Variants in NCOA2 observed in about 807,000 individuals in gnomAD.
NCOA2 encodes the protein nuclear receptor coactivator 2, also known as class E basic helix-loop-helix protein 75.
Under a neutral mutation model 145.1 loss-of-function variants are expected in NCOA2, and 21 were observed. The observed-to-expected ratio is 0.14, with a 90% CI of 0.10 to 0.21. NCOA2 has a LOEUF of 0.21. NCOA2 is among the 10% of genes least tolerant of loss of function. The pLI is 1.00. For missense variants in NCOA2, 1,472 were observed against 1,837.6 expected, an observed-to-expected ratio of 0.80 and a Z score of 3.64; for synonymous variants, 619 against 637.5, an observed-to-expected ratio of 0.97 and a Z score of 0.44.
At chr8:70,262,727 A>G (rs1170052811) in intron 2 of NCOA2, among the ~76,000 whole-genome samples, 11 of 152,238 alleles carry the variant, frequency 7.2e-5, no homozygotes. Flanking sequence ...GAAGGCTGCT[A>G]TAATTTCAGC....
chr8:70,156,173 T>A lies in NCOA2; in HGVS notation c.2192A>T (p.Lys731Ile). Residue 731 changes from lysine (K) to isoleucine (I), a missense_variant, in exon 11 of 23, where the codon AAA becomes ATA. Lys to Ile is a moderately radical substitution (Grantham distance 102). Around this residue, in one of 4 missense-constraint regions of NCOA2, gnomAD observed 953 missense variants for 1,062.1 expected, o/e 0.90. Transcript: ENST00000452400. ...CTTCTTGGGGCTCACCGGCTCTTGTTTAATAGTCACTTCTGATCCAGGAGC... is the reference window on the plus strand; with the variant it reads ...CTTCTTGGGGCTCACCGGCTCTTGTATAATAGTCACTTCTGATCCAGGAGC... ...STAPGSEVTIKQEPVSPKKKE... is the reference protein window; with the variant it reads ...STAPGSEVTIIQEPVSPKKKE... 1 of 1,613,894 alleles carries A rather than the reference T, an allele frequency of 6.2e-7. No homozygotes were observed. Among genetic ancestry groups the A allele is most frequent in the Non-Finnish European group, 8.5e-7 (1 of 1,179,848 alleles).
chr8:70,222,263 A>G (rs1037375914), intron 2 of NCOA2, among the ~76,000 whole-genome samples: 3 of 152,206 alleles, frequency 2.0e-5, no homozygotes, highest in Admixed American at 6.5e-5. Flanking sequence ...AAAAATAACA[A>G]TAAGATAGAC....
intron 4 of NCOA2, among the ~76,000 whole-genome samples, chr8:70,203,378 T>G (rs960983887): frequency 5.9e-5 from 9 of 151,966 alleles, no homozygotes; most frequent in Admixed American, 2.0e-4. Context: ...CACAGTTCCC[T>G]CTCCCTTCTT....
At chr8:70,293,549 G>A (rs1826865924) in intron 2 of NCOA2, among the ~76,000 whole-genome samples, 1 of 152,178 alleles carries the variant, frequency 6.6e-6, no homozygotes, top group Non-Finnish European at 1.5e-5. Flanking sequence ...GAGTTGGGCT[G>A]TACTTAGCAT....
intron 1 of NCOA2, among the ~76,000 whole-genome samples, chr8:70,322,561 A>G (rs1806176044): frequency 6.6e-6 from 1 of 152,210 alleles, no homozygotes; most frequent in African/African-American, 2.4e-5. Flanking sequence ...GAGACGTATT[A>G]GGAGGTAAAA....
chr8:70,148,033 A>G (rs567950893), intron 12 of NCOA2, among the ~76,000 whole-genome samples: 3 of 152,300 alleles, frequency 2.0e-5, no homozygotes, highest in Non-Finnish European at 2.9e-5. Flanking sequence ...AACTTCATCA[A>G]TGTAGGTCAG....
the NCOA2 span, among the ~76,000 whole-genome samples, chr8:70,425,945 G>A: frequency 6.6e-6 from 1 of 152,170 alleles, no homozygotes; most frequent in Non-Finnish European, 1.5e-5. Context: ...GGCACAATCA[G>A]AGGATGGAAT....
intron 1 of NCOA2, among the ~76,000 whole-genome samples, chr8:70,297,231 A>G (rs1395547992): frequency 7.1e-6 from 1 of 140,680 alleles, no homozygotes; most frequent in East Asian, 1.9e-4. Flanking sequence ...GAATAAATAA[A>G]GAAAGTTCCC....
At chr8:70,301,058 T>C (rs944518167) in intron 1 of NCOA2, among the ~76,000 whole-genome samples, 7 of 152,208 alleles carry the variant, frequency 4.6e-5, no homozygotes, top group African/African-American at 1.4e-4. Context: ...CTGGAGTTCA[T>C]ACATGATCTT....
chr8:70,391,368 A>G (rs1363746583), intron 1 of NCOA2, among the ~76,000 whole-genome samples: 1 of 152,192 alleles, frequency 6.6e-6, no homozygotes, highest in Non-Finnish European at 1.5e-5. Flanking sequence ...CCCAGGAGGG[A>G]AAAAATATCT....
At chr8:70,144,969 C>T in intron 12 of NCOA2, 121 bp from the exon 13 acceptor site, 1 of 827,956 alleles carries the variant, frequency 1.2e-6, no homozygotes, top group Non-Finnish European at 1.9e-6. Context: ...GGACCAACTA[C>T]CTAGATAAAA....
chr8:70,196,473 G>C (rs1039985482), intron 4 of NCOA2, among the ~76,000 whole-genome samples: 1 of 152,202 alleles, frequency 6.6e-6, no homozygotes, highest in Non-Finnish European at 1.5e-5. Flanking sequence ...GAAATGCTTA[G>C]ATGTGCAGAA....
intron 4 of NCOA2, among the ~76,000 whole-genome samples, chr8:70,195,372 C>T (rs1259511059): frequency 1.3e-5 from 2 of 152,150 alleles, no homozygotes; most frequent in Non-Finnish European, 2.9e-5. Flanking sequence ...ATTCAAATTT[C>T]TTCTTCTGAG....
chr8:70,333,691 C>T lies in NCOA2; in HGVS notation c.-76-36891G>A, dbSNP rs114711344. On this transcript the variant is annotated intron_variant, in intron 1 of 22. Coordinates refer to ENST00000452400, the MANE Select transcript of NCOA2 (RefSeq NM_006540.4). ...CAGTACACGTTAATGGTGACCACTACCTGCACTTGTCAATTCACCAGTCCT... is the reference window on the plus strand; with the variant it reads ...CAGTACACGTTAATGGTGACCACTATCTGCACTTGTCAATTCACCAGTCCT... Among the ~76,000 whole-genome samples, 1,211 of 152,274 alleles carry T rather than the reference C, an allele frequency of 8.0e-3. 22 individuals are homozygous for T. Among genetic ancestry groups the T allele is most frequent in the African/African-American group, 0.028 (1,155 of 41,538 alleles).
chr8:70,431,403 T>C, the NCOA2 span, among the ~76,000 whole-genome samples: 4,052 of 152,258 alleles, frequency 0.027, 199 homozygotes, highest in African/African-American at 0.09. Flanking sequence ...ATGCTGTACA[T>C]TGAAACATAA....
chr8:70,450,616 G>A, the NCOA2 span, among the ~76,000 whole-genome samples: 1 of 99,092 alleles, frequency 1.0e-5, no homozygotes, highest in Non-Finnish European at 1.8e-5. Flanking sequence ...TCTCAGTCTT[G>A]TTGCCCAGGC....
intron 2 of NCOA2, among the ~76,000 whole-genome samples, chr8:70,264,650 G>T (rs1039295791): frequency 6.6e-6 from 1 of 152,158 alleles, no homozygotes; most frequent in Non-Finnish European, 1.5e-5. Context: ...ATACTCTAAA[G>T]AAACTGTCAT....
At chr8:70,367,340 T>C (rs924770184) in intron 1 of NCOA2, among the ~76,000 whole-genome samples, 2 of 152,238 alleles carry the variant, frequency 1.3e-5, no homozygotes, top group Admixed American at 1.3e-4. Flanking sequence ...GAGATTAACA[T>C]GAAAACTTTT....
chr8:70,167,705 T>G (rs1019096023), intron 6 of NCOA2, among the ~76,000 whole-genome samples: 1 of 152,226 alleles, frequency 6.6e-6, no homozygotes. Context: ...TTCAGACATC[T>G]ATTTGAGTAT....
Sources: gnomAD v4.1 joint callset for allele counts (sites outside exome capture counted in the v4.1 genomes callset) on GRCh38, gnomAD v4.1.1 for gene constraint, gnomAD v4.1.1 regional missense constraint, MANE v1.5 for transcripts, NCBI Gene and HGNC (gene_info 2026-07-23, HGNC 2026-07-21) for gene names.